The following ADAMTS14 variants were observed in gnomAD, a reference collection of about 807,000 sequenced individuals.
The protein encoded by ADAMTS14 is ADAM metallopeptidase with thrombospondin type 1 motif 14, also known as A disintegrin and metalloproteinase with thrombospondin motifs 14.
A neutral mutation model predicts 128.6 loss-of-function variants in ADAMTS14; 100 were observed. The ratio of observed to expected loss-of-function variants is 0.78; its 90% CI spans 0.66 to 0.92. ADAMTS14 has a LOEUF of 0.92. Among genes scored for constraint, ADAMTS14 ranks in the 40% least tolerant of loss-of-function variants. ADAMTS14 has a pLI of 0.00. For missense variants in ADAMTS14, 1,562 were observed against 1,658.6 expected (o/e 0.94, Z 1.01); for synonymous variants, 665 against 653.8 (o/e 1.02, Z -0.26).
At chr10:70,740,830 GC>G (rs1037941214) in intron 11 of ADAMTS14, among the ~76,000 whole-genome samples, 156 bp from the exon 12 acceptor site, 7 of 152,190 alleles carry the variant, frequency 4.6e-5, no homozygotes, top group African/African-American at 1.7e-4. Flanking sequence ...GAGCTCCACA[GC>G]CCCCACCCTG....
At chr10:70,731,198 G>A (rs534341249) in intron 6 of ADAMTS14, among the ~76,000 whole-genome samples, 9 of 151,760 alleles carry the variant, frequency 5.9e-5, no homozygotes, top group East Asian at 1.9e-4. Context: ...AAACACACAC[G>A]TATACACAGA....
At chr10:70,714,807 G>A (rs192828639) in intron 4 of ADAMTS14, among the ~76,000 whole-genome samples, 181 of 151,906 alleles carry the variant, frequency 1.2e-3, no homozygotes, top group African/African-American at 4.3e-3. Context: ...AATTAGCTGG[G>A]TGTGGTGGTG....
intron 15 of ADAMTS14, among the ~76,000 whole-genome samples, chr10:70,749,522 C>T (rs1842283725): frequency 6.6e-6 from 1 of 151,878 alleles, no homozygotes; most frequent in African/African-American, 2.4e-5. Flanking sequence ...TGAGCCTCAA[C>T]CATGGGTAGA....
At chr10:70,732,184 C>A in intron 6 of ADAMTS14, 70 bp from the exon 7 acceptor site, 1 of 1,356,192 alleles carries the variant, frequency 7.4e-7, no homozygotes, top group Non-Finnish European at 1.0e-6. Flanking sequence ...GGGCTGGGCA[C>A]AGACCTCAGT....
At chr10:70,690,725 G>A (rs1371449079) in intron 2 of ADAMTS14, among the ~76,000 whole-genome samples, 1 of 145,208 alleles carries the variant, frequency 6.9e-6, no homozygotes, top group African/African-American at 2.4e-5. Flanking sequence ...ACTGCCAAGG[G>A]TGCAGCACCT....
intron 2 of ADAMTS14, among the ~76,000 whole-genome samples, chr10:70,699,158 C>G (rs1234742304): frequency 6.6e-6 from 1 of 152,130 alleles, no homozygotes; most frequent in East Asian, 1.9e-4. Flanking sequence ...CAGAAGCAGG[C>G]CTGGGGGCTG....
chr10:70,760,818 G>T lies in ADAMTS14; in HGVS notation c.3637G>T (p.Gly1213Cys). Residue 1213 changes from glycine (G) to cysteine (C), a missense_variant, in exon 22 of 22, where the codon GGC becomes TGC. Transcript: ENST00000373207. ...ACCTGGAGAAGACCTGAGACATCCC[G>T]GCACCAGCCTCCCTGCTGCCTCCCC... is the stretch of plus-strand genomic sequence containing the variant. ...GQPGEDLRHPGTSLPAASPVT is the reference protein window; with the variant it reads ...GQPGEDLRHPCTSLPAASPVT The T allele has an allele frequency of 6.3e-7, 1 of 1,588,360 alleles. No individual in the cohort carries two copies. Among genetic ancestry groups the T allele is most frequent in the Middle Eastern group, 1.7e-4 (1 of 5,932 alleles).
chr10:70,708,443 G>C, intron 3 of ADAMTS14, 145 bp from the exon 4 acceptor site: 1 of 680,740 alleles, frequency 1.5e-6, no homozygotes, highest in South Asian at 2.2e-5. Flanking sequence ...AGTTGACCTA[G>C]TATGGAGCAA....
Position 70,745,325 on chromosome 10 carries a change from G to C in ADAMTS14, c.2263+19G>C. 1 of 1,611,692 alleles carries C rather than the reference G, an allele frequency of 6.2e-7. No individual in the cohort carries two copies. The highest frequency in any genetic ancestry group is 2.2e-5 in the East Asian group (1 of 44,866). The stretch of plus-strand genomic sequence containing the variant: ...CGCATTGGTGAGTGCTGGGGTGCTG[G>C]GAGGGGACAGCAGGGCCCCAGGCCC... On this transcript the variant is annotated intron_variant, in intron 15 of 21. Transcript: ENST00000373207.
chr10:70,745,756 G>A (rs944834379), intron 15 of ADAMTS14, among the ~76,000 whole-genome samples: 7 of 152,158 alleles, frequency 4.6e-5, no homozygotes, highest in Admixed American at 1.3e-4. Context: ...GCTCTGTGGG[G>A]TGGTTCTTCT....
intron 19 of ADAMTS14, among the ~76,000 whole-genome samples, chr10:70,757,144 G>A (rs1589346401): frequency 1.3e-5 from 2 of 152,130 alleles, no homozygotes; most frequent in African/African-American, 4.8e-5. Context: ...GGGCAACGCT[G>A]CTTTCCTGGA....
chr10:70,688,612 TC>T (rs1369492140), intron 2 of ADAMTS14, among the ~76,000 whole-genome samples: 1 of 100,482 alleles, frequency 1.0e-5, no homozygotes, highest in African/African-American at 3.6e-5. Context: ...CCGTCTGCAA[TC>T]CCGGCACCTC....
At chr10:70,688,674 CG>C (rs1840070492) in intron 2 of ADAMTS14, among the ~76,000 whole-genome samples, 1 of 114,304 alleles carries the variant, frequency 8.7e-6, no homozygotes, top group Admixed American at 8.8e-5. Flanking sequence ...GAGACTGGCC[CG>C]GCCAACACAG....
intron 2 of ADAMTS14, among the ~76,000 whole-genome samples, chr10:70,680,513 T>A (rs1055668035): frequency 6.6e-6 from 1 of 152,180 alleles, no homozygotes; most frequent in Non-Finnish European, 1.5e-5. Flanking sequence ...ATAGTCTAGT[T>A]TGGGGGAAAG....
At chr10:70,680,422 AAAAAT>A (rs966734340) in intron 2 of ADAMTS14, among the ~76,000 whole-genome samples, 2 of 152,202 alleles carry the variant, frequency 1.3e-5, no homozygotes, top group Non-Finnish European at 2.9e-5. Context: ...AATAAATAAA[AAAAAT>A]AAAATAAACC....
chr10:70,705,359 G>T (rs1314367777), intron 3 of ADAMTS14, among the ~76,000 whole-genome samples: 1 of 152,228 alleles, frequency 6.6e-6, no homozygotes, highest in Non-Finnish European at 1.5e-5. Flanking sequence ...CACTAATGGG[G>T]TATGTGCTCC....
chr10:70,754,048 G>C, intron 19 of ADAMTS14, 41 bp downstream of exon 19: 5 of 1,477,868 alleles, frequency 3.4e-6, no homozygotes, highest in Non-Finnish European at 4.5e-6. Context: ...TGGGGAGGAG[G>C]TGGGTCTGAG....
At position 70,760,716 on chromosome 10, in the gene ADAMTS14, A is replaced by G. The variant is rs747068693; in HGVS notation, c.3535A>G (p.Ile1179Val). The G allele has an allele frequency of 6.2e-7, 1 of 1,614,056 alleles. No homozygotes were observed. Among genetic ancestry groups the G allele is most frequent in the South Asian group, 1.1e-5 (1 of 91,058 alleles). Residue 1179 changes from isoleucine to valine, a missense_variant, in exon 22 of 22, where the codon ATC (isoleucine) becomes GTC (valine). Coordinates refer to ENST00000373207, the MANE Select transcript of ADAMTS14 (RefSeq NM_080722.4). Reference sequence around the variant, plus strand: ...ACCAATCCCTGGAGCATCCTGGAGCATCTCCCCTACCACCCCCGGGGGGCT... The same window carrying G: ...ACCAATCCCTGGAGCATCCTGGAGCGTCTCCCCTACCACCCCCGGGGGGCT... ...ETPIPGASWS[I>V]SPTTPGGLPW...
Position 70,729,372 on chromosome 10 carries a change from C to T in ADAMTS14, c.949C>T (p.Arg317Ter), listed in dbSNP as rs199886417. The change falls in exon 5 of 22, where the codon CGA becomes TGA. Residue 317 changes from arginine to a stop codon, truncating the protein, a stop_gained. Coordinates refer to ENST00000373207, the MANE Select transcript of ADAMTS14 (RefSeq NM_080722.4). LOFTEE classifies it high-confidence loss of function. ...CGTCCGCTTGATCATGGTTGGCTACCGACAGGTAAACCACCTTGTCAGCAG... is the reference window on the plus strand; with the variant it reads ...CGTCCGCTTGATCATGGTTGGCTACTGACAGGTAAACCACCTTGTCAGCAG... ...ALVRLIMVGY[R>*]QSLSLIERGN... 1.9e-5 allele frequency: 30 copies of T among 1,613,516 alleles called. No homozygotes were observed. Among genetic ancestry groups the T allele is most frequent in the African/African-American group, 6.7e-5 (5 of 74,958 alleles).
Sources: gnomAD v4.1 joint callset for allele counts (sites outside exome capture counted in the v4.1 genomes callset) on GRCh38, gnomAD v4.1.1 for gene constraint, MANE v1.5 for transcripts, NCBI Gene and HGNC (gene_info 2026-07-23, HGNC 2026-07-21) for gene names.